Variants in RGS6 observed in about 807,000 individuals in gnomAD.
RGS6 encodes the protein regulator of G-protein signaling 6.
RGS6 carries 30 observed loss-of-function variants against 78.5 expected under a neutral mutation model. The ratio of observed to expected loss-of-function variants is 0.38; its 90% CI spans 0.29 to 0.52. The LOEUF (loss-of-function observed/expected upper bound fraction) is 0.52, where lower values mean the gene tolerates loss of function less well. RGS6 is among the 20% of genes least tolerant of loss of function. The pLI, the probability that RGS6 is intolerant of heterozygous loss-of-function variation, is 0.85. For missense variants in RGS6, 495 were observed against 609.7 expected (o/e 0.81, Z 1.98); for synonymous variants, 206 against 206.0 (o/e 1.00, Z 0.00).
At position 72,187,916 on chromosome 14, in the gene RGS6, T is replaced by C. The variant is rs192710972; in HGVS notation, c.85-164179T>C. On this transcript the variant is annotated intron_variant, in intron 2 of 17. Coordinates refer to ENST00000553525, the MANE Select transcript of RGS6 (RefSeq NM_001204424.2). ...AAAAACTGGAGTTGTTCCCCATGCA[T>C]GTTTCTAGTTGAAGTTAAACCAGGT... Among the ~76,000 whole-genome samples, 427 of 152,360 alleles carry C rather than the reference T, an allele frequency of 2.8e-3. 1 individual carries two copies. The highest frequency in any genetic ancestry group is 9.6e-3 in the African/African-American group (399 of 41,582).
rs17108657 is a variant in RGS6, at chr14:72,185,616, A to C, written c.85-166479A>C. ...CTGGATTGTGAAGTAGATGTAACTG[A>C]TACTCATGGATGAACTTGCAGTAAT... On this transcript the variant is annotated intron_variant, in intron 2 of 17. Transcript: ENST00000553525. Among the ~76,000 whole-genome samples, 701 of 152,328 alleles carry C rather than the reference A, an allele frequency of 4.6e-3. 7 individuals are homozygous for C. The highest frequency in any genetic ancestry group is 0.016 in the African/African-American group (671 of 41,570).
the RGS6 span, among the ~76,000 whole-genome samples, chr14:71,924,280 T>C: frequency 1.3e-5 from 2 of 152,198 alleles, no homozygotes; most frequent in Non-Finnish European, 2.9e-5. Context: ...AATTAATTTT[T>C]TTTCTATGTT....
intron 3 of RGS6, among the ~76,000 whole-genome samples, chr14:72,355,460 A>AT (rs1044653476): frequency 5.3e-5 from 8 of 151,846 alleles, no homozygotes; most frequent in Non-Finnish European, 1.2e-4. Context: ...CTCCCAAAGT[A>AT]CTCTGGTTCT....
intron 16 of RGS6, chr14:72,537,508 C>T: frequency 1.4e-6 from 1 of 702,368 alleles, no homozygotes; most frequent in Non-Finnish European, 2.6e-6. Flanking sequence ...TCCTGCATCC[C>T]TCCCCACAGG....
intron 1 of RGS6, among the ~76,000 whole-genome samples, chr14:71,936,495 G>A (rs919410103): frequency 6.6e-6 from 1 of 152,068 alleles, no homozygotes; most frequent in African/African-American, 2.4e-5. Context: ...CAATCAAGGT[G>A]ACACTCAGTA....
chr14:72,383,767 G>A (rs2086972485), intron 3 of RGS6, among the ~76,000 whole-genome samples: 1 of 152,100 alleles, frequency 6.6e-6, no homozygotes, highest in Non-Finnish European at 1.5e-5. Context: ...CAGAGTTGTA[G>A]GAGCCATCTA....
chr14:71,982,694 A>G (rs1242791221), intron 2 of RGS6, among the ~76,000 whole-genome samples: 4 of 152,230 alleles, frequency 2.6e-5, no homozygotes, highest in Non-Finnish European at 5.9e-5. Flanking sequence ...AGAAATTGAC[A>G]ATGCTCTTGA....
intron 1 of RGS6, among the ~76,000 whole-genome samples, chr14:71,936,015 G>GATATATATATATATC (rs2089129868): frequency 1.6e-5 from 1 of 63,800 alleles, no homozygotes; most frequent in African/African-American, 5.2e-5. Flanking sequence ...GAACTAATAG[G>GATATATATATATATC]ATATATATAT....
the RGS6 span, among the ~76,000 whole-genome samples, chr14:72,614,803 T>G: frequency 5.0e-5 from 4 of 80,760 alleles, no homozygotes; most frequent in Non-Finnish European, 9.9e-5. Flanking sequence ...TTACAATCAC[T>G]GTTCACTCCC....
chr14:72,139,672 C>T (rs1303874503), intron 2 of RGS6, among the ~76,000 whole-genome samples: 2 of 152,114 alleles, frequency 1.3e-5, no homozygotes, highest in Non-Finnish European at 2.9e-5. Context: ...ATATTTTTTG[C>T]CATTTATATT....
intron 3 of RGS6, among the ~76,000 whole-genome samples, chr14:72,371,037 C>A (rs1216783891): frequency 2.0e-5 from 3 of 152,130 alleles, no homozygotes; most frequent in Non-Finnish European, 4.4e-5. Flanking sequence ...TGTAGCACAG[C>A]CAATACTGAT....
chr14:72,338,440 AG>A (rs34154314), intron 2 of RGS6, among the ~76,000 whole-genome samples: 2 of 152,188 alleles, frequency 1.3e-5, no homozygotes, highest in African/African-American at 4.8e-5. Context: ...TGAGAACAGT[AG>A]GGGGGAAACC....
At position 72,063,818 on chromosome 14, in the gene RGS6, C is replaced by T. The variant is rs2094006264; in HGVS notation, c.84+98943C>T. 2.6e-5 allele frequency among the ~76,000 whole-genome samples: 4 copies of T among 151,938 alleles called. 1 individual carries two copies. In the South Asian group the frequency reaches 8.3e-4, roughly 32 times the overall value. ...TATGGGAAGATACTGTTATTATCTT[C>T]TGCTTGCCTTTGTTTTCTAAGAAAT... On this transcript the variant is annotated intron_variant, in intron 2 of 17. Coordinates refer to ENST00000553525, the MANE Select transcript of RGS6 (RefSeq NM_001204424.2).
the RGS6 span, among the ~76,000 whole-genome samples, chr14:71,925,178 A>G: frequency 6.6e-6 from 1 of 152,186 alleles, no homozygotes; most frequent in East Asian, 1.9e-4. Context: ...GATGTGGAAC[A>G]TTCTTTTCAT....
At chr14:72,235,280 T>G (rs1170741412) in intron 2 of RGS6, among the ~76,000 whole-genome samples, 1 of 152,096 alleles carries the variant, frequency 6.6e-6, no homozygotes, top group Admixed American at 6.5e-5. Context: ...GAGGAAAATA[T>G]GAGAAGATCT....
intron 2 of RGS6, among the ~76,000 whole-genome samples, chr14:72,126,779 A>G (rs1416797098): frequency 6.6e-6 from 1 of 152,224 alleles, no homozygotes; most frequent in Admixed American, 6.5e-5. Flanking sequence ...GGCTGGGCTT[A>G]TACAGCTGAG....
At chr14:72,164,113 C>A (rs2096891755) in intron 2 of RGS6, among the ~76,000 whole-genome samples, 1 of 152,146 alleles carries the variant, frequency 6.6e-6, no homozygotes, top group African/African-American at 2.4e-5. Flanking sequence ...GATTGTTTAA[C>A]CTGCCCTCTA....
chr14:72,193,748 T>A (rs1344295987), intron 2 of RGS6, among the ~76,000 whole-genome samples: 2 of 152,102 alleles, frequency 1.3e-5, no homozygotes, highest in Non-Finnish European at 2.9e-5. Context: ...AGACATGACA[T>A]GAAGTTCTGG....
chr14:72,467,775 C>G (rs1442372750), intron 7 of RGS6, among the ~76,000 whole-genome samples: 1 of 152,162 alleles, frequency 6.6e-6, no homozygotes, highest in East Asian at 1.9e-4. Flanking sequence ...TTCTGTGGCT[C>G]TGGACATCCT....
Sources: gnomAD v4.1 joint callset for allele counts (sites outside exome capture counted in the v4.1 genomes callset) on GRCh38, gnomAD v4.1.1 for gene constraint, MANE v1.5 for transcripts, NCBI Gene and HGNC (gene_info 2026-07-23, HGNC 2026-07-21) for gene names.